GPC6: variants seen among roughly 807,000 people sequenced by gnomAD.
The protein encoded by GPC6 is glypican-6.
A neutral mutation model predicts 55.2 loss-of-function variants in GPC6; 14 were observed. The ratio of observed to expected loss-of-function variants is 0.25; its 90% confidence interval spans 0.17 to 0.40. GPC6 has a LOEUF of 0.40. Among genes scored for constraint, GPC6 ranks in the 10% least tolerant of loss-of-function variants. The pLI, the probability that GPC6 is intolerant of heterozygous loss-of-function variation, is 1.00. For synonymous variants in GPC6, 278 were observed against 259.6 expected (o/e 1.07, Z -0.68); for missense variants, 641 against 708.5 (o/e 0.90, Z 1.08).
chr13:93,521,488 TG>T, intron 1 of GPC6, among the ~76,000 whole-genome samples: 1 of 151,994 alleles, frequency 6.6e-6, no homozygotes. Flanking sequence ...TGTCTTATGT[TG>T]GCAGGTGCTT....
At position 93,465,166 on chromosome 13, in the gene GPC6, T is replaced by A. The variant is rs566689532; in HGVS notation, c.161-80097T>A. ...ACCATCAGAGTACATTTAGTATAAT[T>A]CCTAAGGTACCTATGATTTTTGAAA... On this transcript the variant is annotated intron_variant, in intron 1 of 8. Coordinates refer to ENST00000377047, the MANE Select transcript of GPC6 (RefSeq NM_005708.5). Among the ~76,000 whole-genome samples the A allele has an allele frequency of 2.4e-4, 36 of 152,318 alleles. 1 individual carries two copies. The South Asian group carries it at 7.5e-3, about 32-fold the overall frequency.
chr13:93,577,634 G>A (rs900723681), intron 2 of GPC6, among the ~76,000 whole-genome samples: 23 of 152,032 alleles, frequency 1.5e-4, no homozygotes, highest in Admixed American at 1.1e-3. Context: ...ATATAAGGTC[G>A]TGTCGTTTGC....
chr13:93,357,650 G>C (rs1164405741), intron 1 of GPC6, among the ~76,000 whole-genome samples: 3 of 151,944 alleles, frequency 2.0e-5, no homozygotes, highest in Non-Finnish European at 4.4e-5. Context: ...ATCAGCCTGA[G>C]CAACATGACA....
At chr13:94,249,758 C>A (rs1436804743) in intron 4 of GPC6, among the ~76,000 whole-genome samples, 5 of 152,152 alleles carry the variant, frequency 3.3e-5, no homozygotes, top group Non-Finnish European at 1.5e-5. Flanking sequence ...GTGAAAGTGA[C>A]CTGCAGAACA....
At chr13:93,841,010 A>G (rs1309995493) in intron 3 of GPC6, among the ~76,000 whole-genome samples, 1 of 152,142 alleles carries the variant, frequency 6.6e-6, no homozygotes, top group Non-Finnish European at 1.5e-5. Flanking sequence ...CTGTGAAACA[A>G]GGTTTGCACA....
At chr13:94,132,727 T>A (rs2138868509) in intron 4 of GPC6, among the ~76,000 whole-genome samples, 1 of 152,260 alleles carries the variant, frequency 6.6e-6, no homozygotes, top group African/African-American at 2.4e-5. Flanking sequence ...TGAAGGCCAT[T>A]TTATCTCTCT....
chr13:93,753,079 T>C (rs1260524039), intron 2 of GPC6, among the ~76,000 whole-genome samples: 1 of 152,190 alleles, frequency 6.6e-6, no homozygotes, highest in Non-Finnish European at 1.5e-5. Flanking sequence ...GAGTTCTTGC[T>C]TGCGCTCTGG....
chr13:94,276,178 G>A (rs923572919), intron 4 of GPC6, among the ~76,000 whole-genome samples: 5 of 152,212 alleles, frequency 3.3e-5, no homozygotes, highest in African/African-American at 9.7e-5. Context: ...GACATGTTGA[G>A]TAGTGAGAAA....
At chr13:93,324,888 GA>G (rs1348723853) in intron 1 of GPC6, among the ~76,000 whole-genome samples, 19 of 152,012 alleles carry the variant, frequency 1.2e-4, no homozygotes, top group South Asian at 8.3e-4. Context: ...GTGGCCCTTT[GA>G]TTTATGCTGT....
At chr13:94,252,042 A>G (rs530766055) in intron 4 of GPC6, among the ~76,000 whole-genome samples, 1 of 152,190 alleles carries the variant, frequency 6.6e-6, no homozygotes, top group South Asian at 2.1e-4. Context: ...TTCTCCTGGC[A>G]CCGCTAACAA....
At chr13:93,703,939 G>A (rs1203451038) in intron 2 of GPC6, among the ~76,000 whole-genome samples, 1 of 151,970 alleles carries the variant, frequency 6.6e-6, no homozygotes, top group Non-Finnish European at 1.5e-5. Flanking sequence ...AGCTGGCTTT[G>A]TAATGATGAT....
At chr13:93,302,402 T>G (rs933793673) in intron 1 of GPC6, among the ~76,000 whole-genome samples, 19 of 152,210 alleles carry the variant, frequency 1.2e-4, no homozygotes, top group African/African-American at 4.3e-4. Context: ...TTTCCACATG[T>G]AGTGGAATAC....
intron 1 of GPC6, among the ~76,000 whole-genome samples, chr13:93,544,783 T>C (rs1370251597): frequency 6.6e-6 from 1 of 152,146 alleles, no homozygotes; most frequent in Non-Finnish European, 1.5e-5. Context: ...ACACACTCAC[T>C]TGGACTTAGA....
At chr13:93,912,413 G>A (rs949445677) in intron 3 of GPC6, among the ~76,000 whole-genome samples, 11 of 151,892 alleles carry the variant, frequency 7.2e-5, no homozygotes, top group South Asian at 4.2e-4. Flanking sequence ...TTCCTACAGC[G>A]GCTGTACCAA....
chr13:93,398,938 A>G (rs1030444680), intron 1 of GPC6, among the ~76,000 whole-genome samples: 1 of 152,138 alleles, frequency 6.6e-6, no homozygotes. Flanking sequence ...CATGATGCCA[A>G]TCTTCTTTTA....
chr13:93,454,784 C>T (rs1259404039), intron 1 of GPC6, among the ~76,000 whole-genome samples: 1 of 152,268 alleles, frequency 6.6e-6, no homozygotes, highest in Non-Finnish European at 1.5e-5. Flanking sequence ...CGCCCTGCGC[C>T]TGCACTCCTC....
intron 1 of GPC6, among the ~76,000 whole-genome samples, chr13:93,513,435 A>G (rs1014696727): frequency 1.3e-5 from 2 of 152,190 alleles, no homozygotes; most frequent in African/African-American, 4.8e-5. Flanking sequence ...TGCCCTGAAA[A>G]TTCATTGTAA....
chr13:94,207,596 T>C (rs968672424), intron 4 of GPC6, among the ~76,000 whole-genome samples: 3 of 152,232 alleles, frequency 2.0e-5, no homozygotes, highest in Non-Finnish European at 4.4e-5. Context: ...AGAATGTATG[T>C]GCTCCTTAAT....
intron 2 of GPC6, among the ~76,000 whole-genome samples, chr13:93,747,096 G>C (rs2138857009): frequency 6.6e-6 from 1 of 152,312 alleles, no homozygotes; most frequent in South Asian, 2.1e-4. Flanking sequence ...TGTTGGCATT[G>C]AGGCTGAAGA....
Sources: gnomAD v4.1 joint callset for allele counts (sites outside exome capture counted in the v4.1 genomes callset) on GRCh38, gnomAD v4.1.1 for gene constraint, MANE v1.5 for transcripts, NCBI Gene and HGNC (gene_info 2026-07-23, HGNC 2026-07-21) for gene names.